The following LNX1 variants were observed in gnomAD, a reference collection of about 807,000 sequenced individuals.
LNX1 encodes the protein ligand of numb-protein X 1, also known as E3 ubiquitin-protein ligase LNX.
Under a neutral mutation model 68.4 loss-of-function variants are expected in LNX1, and 54 were observed. That is an observed-to-expected ratio of 0.79 (90% CI 0.63 to 0.99). The LOEUF is 0.99. Ranked by LOEUF, LNX1 falls within the 50% of genes least tolerant of loss-of-function variation. The probability of loss-of-function intolerance (pLI) is 0.00; values close to 1 mark genes in which losing one functional copy is unlikely to be tolerated. For missense variants in LNX1, 906 were observed against 926.4 expected (o/e 0.98, Z 0.29); for synonymous variants, 336 against 350.0 (o/e 0.96, Z 0.45).
intron 2 of LNX1, among the ~76,000 whole-genome samples, chr4:53,568,491 A>G (rs1295365428): frequency 6.6e-6 from 1 of 151,984 alleles, no homozygotes; most frequent in African/African-American, 2.4e-5. Flanking sequence ...TTGATGGGAC[A>G]TATTTCAAAA....
At chr4:53,466,676 C>T (rs747919159) in intron 9 of LNX1, among the ~76,000 whole-genome samples, 2 of 152,262 alleles carry the variant, frequency 1.3e-5, no homozygotes, top group Non-Finnish European at 2.9e-5. Context: ...ACAAACAGCA[C>T]ACCAGGAGAT....
chr4:53,577,583 T>C (rs1479289031), intron 1 of LNX1, among the ~76,000 whole-genome samples: 3 of 152,082 alleles, frequency 2.0e-5, no homozygotes, highest in Admixed American at 6.6e-5. Context: ...GCCATTACTA[T>C]TATTATTATT....
At chr4:53,604,680 A>G (rs546732395) in intron 2 of LNX1, among the ~76,000 whole-genome samples, 26 of 152,356 alleles carry the variant, frequency 1.7e-4, no homozygotes, top group Admixed American at 2.6e-4. Flanking sequence ...GCAACCAAAA[A>G]TGAATTATGA....
At chr4:53,544,407 C>G (rs1196145206) in intron 2 of LNX1, among the ~76,000 whole-genome samples, 5 of 152,118 alleles carry the variant, frequency 3.3e-5, no homozygotes, top group Non-Finnish European at 7.4e-5. Flanking sequence ...GTTGGCCAGG[C>G]TAGTCTCAAA....
intron 1 of LNX1, among the ~76,000 whole-genome samples, chr4:53,639,739 A>G (rs1734607733): frequency 6.6e-6 from 1 of 152,194 alleles, no homozygotes; most frequent in Admixed American, 6.5e-5. Context: ...GGCATAATCA[A>G]GAGTTATTTA....
At chr4:53,652,281 C>T (rs559434910) in exon 1 of LNX1, 48 of 152,284 alleles carry the variant, frequency 3.2e-4, no homozygotes, top group African/African-American at 1.1e-3. Context: ...TTTCTCTTTC[C>T]AGTGTTCTTC....
chr4:53,647,854 T>A (rs1734946548), intron 1 of LNX1, among the ~76,000 whole-genome samples: 1 of 152,272 alleles, frequency 6.6e-6, no homozygotes, highest in Non-Finnish European at 1.5e-5. Flanking sequence ...TAAGTGGAAT[T>A]ATATCGTATT....
At chr4:53,574,891 C>T (rs1313798222) in intron 1 of LNX1, among the ~76,000 whole-genome samples, 1 of 152,202 alleles carries the variant, frequency 6.6e-6, no homozygotes, top group Non-Finnish European at 1.5e-5. Flanking sequence ...TCTAGTCTAG[C>T]TCTGTTGGCC....
At chr4:53,572,662 C>A (rs1201678841) in intron 2 of LNX1, among the ~76,000 whole-genome samples, 3 of 152,090 alleles carry the variant, frequency 2.0e-5, no homozygotes, top group African/African-American at 4.8e-5. Context: ...TATTAAGCAC[C>A]TTAAATGTTC....
At chr4:53,597,639 G>A (rs1193774268) in intron 2 of LNX1, among the ~76,000 whole-genome samples, 8 of 152,160 alleles carry the variant, frequency 5.3e-5, no homozygotes, top group Non-Finnish European at 1.5e-5. Context: ...TCCACACTCT[G>A]AGTCTCTCCA....
intron 2 of LNX1, among the ~76,000 whole-genome samples, chr4:53,516,548 T>C (rs976906844): frequency 1.3e-5 from 2 of 152,116 alleles, no homozygotes; most frequent in African/African-American, 2.4e-5. Context: ...GAGCTGAGTC[T>C]AGAAAAATGA....
chr4:53,612,902 G>A (rs554930509), intron 2 of LNX1, among the ~76,000 whole-genome samples: 28 of 151,784 alleles, frequency 1.8e-4, no homozygotes, highest in Non-Finnish European at 1.5e-5. Flanking sequence ...TAAAAAAGAA[G>A]AAATTAGTTG....
At chr4:53,535,447 G>T (rs571886223) in intron 2 of LNX1, among the ~76,000 whole-genome samples, 1 of 152,270 alleles carries the variant, frequency 6.6e-6, no homozygotes, top group African/African-American at 2.4e-5. Context: ...CTGCTTACCT[G>T]CAAGGGTACA....
At chr4:53,512,866 T>C (rs1183932083) in intron 2 of LNX1, among the ~76,000 whole-genome samples, 4 of 152,086 alleles carry the variant, frequency 2.6e-5, no homozygotes, top group Non-Finnish European at 5.9e-5. Context: ...GCTGGGAGAC[T>C]GTGCTGTCAG....
At chr4:53,651,961 T>G (rs1215047237) in intron 1 of LNX1, among the ~76,000 whole-genome samples, 1 of 151,864 alleles carries the variant, frequency 6.6e-6, no homozygotes, top group African/African-American at 2.4e-5. Flanking sequence ...TCTAGTGTTT[T>G]GAAAAAGATA....
chr4:53,465,867 CA>C (rs1722638942), intron 9 of LNX1, among the ~76,000 whole-genome samples: 1 of 152,168 alleles, frequency 6.6e-6, no homozygotes, highest in Non-Finnish European at 1.5e-5. Context: ...AATACCTTGG[CA>C]ATGTGTATAC....
intron 2 of LNX1, among the ~76,000 whole-genome samples, chr4:53,527,478 G>A (rs1408147983): frequency 1.3e-5 from 2 of 152,168 alleles, no homozygotes; most frequent in African/African-American, 4.8e-5. Context: ...GCTGACTCCT[G>A]GTGCTGACTC....
At chr4:53,474,428 G>T (rs955457710) in intron 9 of LNX1, among the ~76,000 whole-genome samples, 1 of 152,180 alleles carries the variant, frequency 6.6e-6, no homozygotes, top group African/African-American at 2.4e-5. Flanking sequence ...CAGCAGAAAT[G>T]AGTAATTGCC....
At chr4:53,557,115 G>A (rs1380421875) in intron 2 of LNX1, among the ~76,000 whole-genome samples, 8 of 152,174 alleles carry the variant, frequency 5.3e-5, no homozygotes, top group Admixed American at 2.6e-4. Context: ...AAAAGGAGCT[G>A]GAAAAATATC....
Sources: gnomAD v4.1 joint callset for allele counts (sites outside exome capture counted in the v4.1 genomes callset) on GRCh38, gnomAD v4.1.1 for gene constraint, MANE v1.5 for transcripts, NCBI Gene and HGNC (gene_info 2026-07-23, HGNC 2026-07-21) for gene names.